Variants in TECPR2 observed in about 807,000 individuals in gnomAD.
TECPR2 encodes tectonin beta-propeller repeat-containing protein 2.
A neutral mutation model predicts 138.1 loss-of-function variants in TECPR2; 65 were observed. The observed-to-expected ratio is 0.47, with a 90% CI of 0.39 to 0.58. The LOEUF (loss-of-function observed/expected upper bound fraction) is 0.58. Ranked by LOEUF, TECPR2 falls within the 20% of genes least tolerant of loss-of-function variation. The probability of loss-of-function intolerance (pLI) is 0.00; values close to 1 mark genes in which losing one functional copy is unlikely to be tolerated. For missense variants in TECPR2, 1,553 were observed against 1,824.5 expected (o/e 0.85, Z 2.71); for synonymous variants, 746 against 749.8 (o/e 0.99, Z 0.08).
rs541267205 is a variant in TECPR2 at position 102,472,277 on chromosome 14, C to T, written c.3789+6988C>T. Among the ~76,000 whole-genome samples the T allele has an allele frequency of 4.6e-5, 7 of 152,322 alleles. No homozygotes were observed. The South Asian group carries it at 8.3e-4, about 18-fold the overall frequency. On this transcript the variant is annotated intron_variant, in intron 17 of 19. Coordinates refer to ENST00000359520, the MANE Select transcript of TECPR2 (RefSeq NM_014844.5). ...CCTGGCAAAAGGGTTACATGGAGAA[C>T]GGTGTGCAACCACAATTTCCTGTTC...
intron 17 of TECPR2, among the ~76,000 whole-genome samples, chr14:102,479,211 A>G (rs1423318755): frequency 6.6e-6 from 1 of 152,096 alleles, no homozygotes; most frequent in Non-Finnish European, 1.5e-5. Flanking sequence ...CTTGAGACTC[A>G]ATGGGCATTT....
chr14:102,433,509 TA>T (rs1335352363), intron 8 of TECPR2, among the ~76,000 whole-genome samples: 29 of 150,958 alleles, frequency 1.9e-4, no homozygotes, highest in African/African-American at 6.8e-4. Flanking sequence ...TTTATTTATT[TA>T]TTTATTTATT....
chr14:102,432,420 ATTAT>A, intron 8 of TECPR2, among the ~76,000 whole-genome samples: 1 of 152,108 alleles, frequency 6.6e-6, no homozygotes, highest in Middle Eastern at 3.4e-3. Context: ...ATGTATTTAT[ATTAT>A]TTATTTATTT....
At chr14:102,430,622 A>C (rs1163249952) in intron 7 of TECPR2, among the ~76,000 whole-genome samples, 1 of 152,190 alleles carries the variant, frequency 6.6e-6, no homozygotes, top group African/African-American at 2.4e-5. Context: ...TGTTGAGGGT[A>C]CTGTAGCTGG....
Position 102,388,715 on chromosome 14 carries a change from C to T in TECPR2, c.219+11775C>T, listed in dbSNP as rs1024116243. Among the ~76,000 whole-genome samples, 3 of 152,202 alleles carry T rather than the reference C, an allele frequency of 2.0e-5. No individual in the cohort carries two copies. The East Asian group carries it at 5.8e-4, about 29-fold the overall frequency. On this transcript the variant is annotated intron_variant, in intron 2 of 19. Transcript: ENST00000359520. ...CGGTGCCTCACACCTGTAATCCCAG[C>T]ACTTTGGGAGGCTGAGGCGGGCGGA...
intron 17 of TECPR2, among the ~76,000 whole-genome samples, chr14:102,485,107 G>A (rs1020614414): frequency 6.6e-6 from 1 of 152,220 alleles, no homozygotes; most frequent in African/African-American, 2.4e-5. Flanking sequence ...ACCCAGCGCT[G>A]AGCACCATGG....
intron 2 of TECPR2, among the ~76,000 whole-genome samples, chr14:102,382,302 AAAAG>A (rs1344006392): frequency 2.0e-5 from 3 of 152,192 alleles, no homozygotes; most frequent in African/African-American, 7.2e-5. Context: ...CCAAAAAAAA[AAAAG>A]AAAGAAAGTT....
chr14:102,407,418 G>T lies in TECPR2; in HGVS notation c.300G>T (p.Arg100Ser). 2 of 1,613,544 alleles carry T rather than the reference G, an allele frequency of 1.2e-6. No homozygotes were observed. The highest frequency in any genetic ancestry group is 1.7e-6 in the Non-Finnish European group (2 of 1,179,764). ...TGGCAGCAGGCACAGCCTCTGGCAG[G>T]GTTGCAGTTTTTCAACTTGTATCTT... The part of the protein sequence containing the change: ...DLVAAGTASG[R>S]VAVFQLVSSL... The change falls in exon 3 of 20, where the codon AGG becomes AGT. Residue 100 changes from arginine to serine, a missense_variant. By Grantham distance (110) the Arg-to-Ser change is moderately radical (BLOSUM62 -1). Coordinates refer to ENST00000359520, the MANE Select transcript of TECPR2 (RefSeq NM_014844.5).
chr14:102,403,946 G>A (rs1281400663), intron 2 of TECPR2, among the ~76,000 whole-genome samples: 1 of 152,178 alleles, frequency 6.6e-6, no homozygotes, highest in East Asian at 1.9e-4. Context: ...CACCTAGGCT[G>A]GAGTGCAGTG....
rs1195790367 is a variant in TECPR2 at position 102,414,710 on chromosome 14, G to T, written c.555G>T (p.Leu185=). ...IVQLDYSQKV[L]LVSTLQRSLL... ...AGCTGGATTATAGCCAGAAAGTGCT[G>T]CTGGTCTCTACTCTGCAAAGAAGTC... Residue 185 remains leucine, a synonymous_variant, in exon 5 of 20, where the codon CTG becomes CTT. Coordinates refer to ENST00000359520, the MANE Select transcript of TECPR2 (RefSeq NM_014844.5). 1 of 1,614,122 alleles carries T rather than the reference G, an allele frequency of 6.2e-7. No homozygotes were observed. The highest frequency in any genetic ancestry group is 1.3e-5 in the African/African-American group (1 of 74,930).
At chr14:102,411,018 A>G (rs904013116) in intron 4 of TECPR2, among the ~76,000 whole-genome samples, 1 of 150,910 alleles carries the variant, frequency 6.6e-6, no homozygotes, top group East Asian at 1.9e-4. Context: ...TAGTTTCTCA[A>G]TTCATCCAAA....
In TECPR2 at chr14:102,434,447, C is replaced by A. The variant is rs376101310; in HGVS notation, c.1630C>A (p.Pro544Thr). ...CGGTGTCCCACAGGAAAATACTGAC[C>A]CCGAAACGTTTAATGTCCTGGAGGT... ...VNGVPQENTD[P>T]ETFNVLEVSG... The change falls in exon 9 of 20, where the codon CCC becomes ACC. Residue 544 changes from proline (P) to threonine (T), a missense_variant. Pro to Thr is a conservative substitution (Grantham distance 38). Coordinates refer to ENST00000359520, the MANE Select transcript of TECPR2 (RefSeq NM_014844.5). 1.4e-5 allele frequency: 22 copies of A among 1,538,334 alleles called. 1 individual carries two copies. In the African/African-American group the frequency reaches 2.1e-4, roughly 14 times the overall value.
chr14:102,431,152 T>C (rs958846109), intron 7 of TECPR2, among the ~76,000 whole-genome samples: 1 of 150,514 alleles, frequency 6.6e-6, no homozygotes, highest in African/African-American at 2.4e-5. Context: ...GCCTCCCAAG[T>C]AGCTGGGACT....
At chr14:102,407,575 G>T (rs1041096911) in intron 3 of TECPR2, 109 bp downstream of exon 3, 3 of 1,397,374 alleles carry the variant, frequency 2.1e-6, no homozygotes, top group African/African-American at 2.9e-5. Flanking sequence ...GAGAAAGCCG[G>T]GCACGACTTT....
At chr14:102,458,827 G>C (rs1028663846) in intron 16 of TECPR2, among the ~76,000 whole-genome samples, 11 of 151,730 alleles carry the variant, frequency 7.2e-5, no homozygotes, top group Admixed American at 3.9e-4. Flanking sequence ...TGTCATTTCA[G>C]AGCCAAGCAC....
intron 5 of TECPR2, among the ~76,000 whole-genome samples, chr14:102,416,081 T>A (rs1889017694): frequency 6.6e-6 from 1 of 152,158 alleles, no homozygotes; most frequent in African/African-American, 2.4e-5. Flanking sequence ...AACCTCCCCT[T>A]TCTTCTATTT....
At chr14:102,470,040 T>C (rs946821040) in intron 17 of TECPR2, among the ~76,000 whole-genome samples, 2 of 152,200 alleles carry the variant, frequency 1.3e-5, no homozygotes, top group African/African-American at 2.4e-5. Flanking sequence ...ATGAGAGATA[T>C]TGGTCTTTGG....
chr14:102,428,244 T>TTTTCC lies in TECPR2; in HGVS notation c.952-6_952-5insTTTCC. ...TTTGTTTTTTTTTTTTTTTTTTTTT[T>TTTTCC]GACAGGCCACAGTTGCTGGTTTGGA... On this transcript the variant is annotated splice_polypyrimidine_tract_variant and splice_region_variant and intron_variant, in intron 6 of 19. Transcript: ENST00000359520. The TTTTCC allele has an allele frequency of 7.4e-7, 1 of 1,350,742 alleles. No homozygotes were observed. Among genetic ancestry groups the TTTTCC allele is most frequent in the Non-Finnish European group, 9.8e-7 (1 of 1,019,606 alleles). The allele number at this position is 1,350,742 out of a possible 1,614,324, so 83.7% of individuals were successfully genotyped here.
At chr14:102,473,581 A>G (rs997372261) in intron 17 of TECPR2, among the ~76,000 whole-genome samples, 6 of 152,216 alleles carry the variant, frequency 3.9e-5, no homozygotes, top group African/African-American at 1.4e-4. Context: ...ATCTTTTAAA[A>G]TTAGCATCAG....
Sources: allele counts gnomAD v4.1 joint callset (sites outside exome capture counted in the v4.1 genomes callset), GRCh38; gene constraint gnomAD v4.1.1; transcripts MANE v1.5; gene names NCBI Gene and HGNC (gene_info 2026-07-23, HGNC 2026-07-21).